EVA1A: variants seen among roughly 807,000 people sequenced by gnomAD.
EVA1A encodes the protein protein eva-1 homolog A.
Under a neutral mutation model 9.8 loss-of-function variants are expected in EVA1A, and 7 were observed. The ratio of observed to expected loss-of-function variants is 0.71; its 90% CI spans 0.41 to 1.34. The LOEUF (loss-of-function observed/expected upper bound fraction) is 1.34, where lower values mean the gene tolerates loss of function less well. EVA1A is among the 40% of genes most tolerant of loss of function. The probability of loss-of-function intolerance (pLI) is 0.01; values close to 1 mark genes in which losing one functional copy is unlikely to be tolerated. For synonymous variants in EVA1A, 90 were observed against 85.6 expected (o/e 1.05, Z -0.28); for missense variants, 206 against 205.9 (o/e 1.00, Z 0.00).
rs76712456 is a variant in EVA1A at position 75,524,902 on chromosome 2, A to C, written c.-191-2415T>G. On this transcript the variant is annotated intron_variant, in intron 1 of 3. Transcript: ENST00000393913. Reference sequence around the variant, plus strand: ...TCTCTCTATATAAATAGGTAGGCAGATAGATGGATTGATAGATAGACAGGT... The same window carrying C: ...TCTCTCTATATAAATAGGTAGGCAGCTAGATGGATTGATAGATAGACAGGT... 4.6e-3 allele frequency among the ~76,000 whole-genome samples: 703 copies of C among 152,066 alleles called. 6 individuals are homozygous for C. The highest frequency in any genetic ancestry group is 0.016 in the African/African-American group (682 of 41,350).
intron 1 of EVA1A, among the ~76,000 whole-genome samples, chr2:75,552,185 CTTAAAA>C (rs1425139181): frequency 3.7e-5 from 2 of 53,632 alleles, no homozygotes; most frequent in African/African-American, 9.1e-5. Flanking sequence ...GACTCTGTCT[CTTAAAA>C]AAAAAAAAGT....
chr2:75,510,636 A>G (rs956138738), intron 3 of EVA1A, among the ~76,000 whole-genome samples: 2 of 152,226 alleles, frequency 1.3e-5, no homozygotes, highest in Non-Finnish European at 2.9e-5. Context: ...TTAAACAGGG[A>G]AAAATAATCA....
intron 1 of EVA1A, among the ~76,000 whole-genome samples, chr2:75,547,257 A>T (rs1676363781): frequency 6.6e-6 from 1 of 152,142 alleles, no homozygotes. Context: ...AGGTTCATGG[A>T]TGGAGCTTCA....
chr2:75,531,957 C>T (rs1326444855), intron 1 of EVA1A, among the ~76,000 whole-genome samples: 3 of 151,840 alleles, frequency 2.0e-5, no homozygotes, highest in African/African-American at 4.8e-5. Context: ...CACAAGATCG[C>T]GACCATCCTG....
intron 3 of EVA1A, among the ~76,000 whole-genome samples, chr2:75,496,836 C>G (rs566196358): frequency 6.6e-6 from 1 of 152,032 alleles, no homozygotes; most frequent in Non-Finnish European, 1.5e-5. Flanking sequence ...GTACAAAAAC[C>G]AACACATAGA....
chr2:75,500,960 T>C (rs1674395281), intron 3 of EVA1A, among the ~76,000 whole-genome samples: 2 of 152,070 alleles, frequency 1.3e-5, no homozygotes, highest in Non-Finnish European at 2.9e-5. Flanking sequence ...TCAATTAATT[T>C]TGCACATGGC....
At chr2:75,511,649 T>TC (rs1349994261) in intron 3 of EVA1A, among the ~76,000 whole-genome samples, 4 of 152,142 alleles carry the variant, frequency 2.6e-5, no homozygotes, top group African/African-American at 9.7e-5. Context: ...TGATGATGGG[T>TC]CAAGTTTGGG....
chr2:75,512,954 C>A (rs572380244), intron 3 of EVA1A, among the ~76,000 whole-genome samples: 3 of 152,134 alleles, frequency 2.0e-5, no homozygotes, highest in Non-Finnish European at 4.4e-5. Context: ...ATTTTTCCAG[C>A]CTCCCTTGCA....
intron 3 of EVA1A, among the ~76,000 whole-genome samples, chr2:75,505,266 T>C (rs1674574618): frequency 1.3e-5 from 2 of 152,184 alleles, no homozygotes; most frequent in African/African-American, 4.8e-5. Context: ...GCCCCTCCAG[T>C]CTGGGCAGCA....
chr2:75,525,537 G>A (rs1675402562), intron 1 of EVA1A, among the ~76,000 whole-genome samples: 1 of 152,224 alleles, frequency 6.6e-6, no homozygotes, highest in Non-Finnish European at 1.5e-5. Context: ...GCTCCTGGCT[G>A]TTGAGGGGGC....
At chr2:75,565,758 A>G (rs776762825), upstream of EVA1A, among the ~76,000 whole-genome samples, 1 of 152,228 alleles carries the variant, frequency 6.6e-6, no homozygotes, top group Non-Finnish European at 1.5e-5. Context: ...AAATTGCCTC[A>G]TGGCCTGATG....
At chr2:75,538,188 G>A (rs989181021) in intron 1 of EVA1A, among the ~76,000 whole-genome samples, 4 of 152,166 alleles carry the variant, frequency 2.6e-5, no homozygotes, top group African/African-American at 4.8e-5. Context: ...TTCTCGGGAG[G>A]CTGAGACAGG....
At chr2:75,497,622 G>A (rs970659646) in intron 3 of EVA1A, among the ~76,000 whole-genome samples, 4 of 152,026 alleles carry the variant, frequency 2.6e-5, no homozygotes, top group African/African-American at 9.7e-5. Flanking sequence ...GGCTGAGGCA[G>A]GCAGATCACT....
At chr2:75,517,866 C>T (rs1187303829) in intron 3 of EVA1A, 190 bp downstream of exon 3, 1 of 758,734 alleles carries the variant, frequency 1.3e-6, no homozygotes, top group Non-Finnish European at 2.4e-6. Context: ...CTTCATTTTT[C>T]AAATTAGAGA....
At chr2:75,533,530 G>C (rs1424383803) in intron 1 of EVA1A, among the ~76,000 whole-genome samples, 1 of 152,120 alleles carries the variant, frequency 6.6e-6, no homozygotes, top group Non-Finnish European at 1.5e-5. Context: ...GAGATATCAA[G>C]AAAGAAGAAA....
chr2:75,519,047 G>A lies in EVA1A; in HGVS notation c.-68-839C>T, dbSNP rs78755196. 2.7e-3 allele frequency among the ~76,000 whole-genome samples: 414 copies of A among 152,308 alleles called. 1 individual carries two copies. Among genetic ancestry groups the A allele is most frequent in the African/African-American group, 9.3e-3 (388 of 41,570 alleles). ...CCATCCCACCAGGGATCAGAACAGGGACTTGGGATCTCAGTGCTCCAGCCT... is the reference window on the plus strand; with the variant it reads ...CCATCCCACCAGGGATCAGAACAGGAACTTGGGATCTCAGTGCTCCAGCCT... On this transcript the variant is annotated intron_variant, in intron 2 of 3. Transcript: ENST00000393913.
At chr2:75,535,856 C>A (rs1286351718) in intron 1 of EVA1A, among the ~76,000 whole-genome samples, 1 of 152,078 alleles carries the variant, frequency 6.6e-6, no homozygotes, top group African/African-American at 2.4e-5. Context: ...GATGGGTACA[C>A]TAAAGTCCTA....
intron 1 of EVA1A, among the ~76,000 whole-genome samples, chr2:75,566,408 G>A (rs541075382): frequency 2.0e-5 from 3 of 152,156 alleles, no homozygotes; most frequent in African/African-American, 7.2e-5. Flanking sequence ...AGGAATATGA[G>A]AGGATGCCAG....
chr2:75,556,866 T>C (rs1676727597), intron 1 of EVA1A, among the ~76,000 whole-genome samples: 1 of 152,176 alleles, frequency 6.6e-6, no homozygotes, highest in African/African-American at 2.4e-5. Context: ...GCCGCTGATC[T>C]GACAGGAGGC....
Sources: allele counts gnomAD v4.1 joint callset (sites outside exome capture counted in the v4.1 genomes callset), GRCh38; gene constraint gnomAD v4.1.1; transcripts MANE v1.5; gene names NCBI Gene and HGNC (gene_info 2026-07-23, HGNC 2026-07-21).